P2RY6: variants seen among roughly 807,000 people sequenced by gnomAD.
P2RY6 encodes the protein pyrimidinergic receptor P2Y6.
In P2RY6, 19 loss-of-function variants were observed where a neutral mutation model predicts 16.3. That is an observed-to-expected ratio of 1.16 (90% confidence interval 0.81 to 1.71). The LOEUF (loss-of-function observed/expected upper bound fraction) is 1.71, where lower values mean the gene tolerates loss of function less well. P2RY6 is among the 40% of genes most tolerant of loss of function. The probability of loss-of-function intolerance (pLI) is 0.00; values close to 1 mark genes in which losing one functional copy is unlikely to be tolerated. For synonymous variants in P2RY6, 184 were observed against 201.5 expected (o/e 0.91, Z 0.74); for missense variants, 389 against 455.5 (o/e 0.85, Z 1.33).
chr11:73,292,496 T>C (rs769425238), intron 1 of P2RY6, among the ~76,000 whole-genome samples: 1 of 152,208 alleles, frequency 6.6e-6, no homozygotes, highest in Non-Finnish European at 1.5e-5. Flanking sequence ...CTCTAATCAC[T>C]GCCCTACCCA....
At position 73,281,280 on chromosome 11, in the gene P2RY6, C is replaced by T. The variant is rs978604080; in HGVS notation, c.-121+8814C>T. 2.0e-5 allele frequency among the ~76,000 whole-genome samples: 3 copies of T among 152,314 alleles called. No individual in the cohort carries two copies. The South Asian group carries it at 6.2e-4, about 32-fold the overall frequency. On this transcript the variant is annotated intron_variant, in intron 1 of 2. Coordinates refer to ENST00000540124, the MANE Select transcript of P2RY6 (RefSeq NM_001277204.2). ...GGTACAGTCCAGGTCAAGCACAGACCAGACACTCAGGGTGCTAGGTCAAGT... is the reference window on the plus strand; with the variant it reads ...GGTACAGTCCAGGTCAAGCACAGACTAGACACTCAGGGTGCTAGGTCAAGT...
chr11:73,270,393 A>G (rs1418869584), upstream of P2RY6, among the ~76,000 whole-genome samples: 1 of 152,054 alleles, frequency 6.6e-6, no homozygotes, highest in African/African-American at 2.4e-5. Context: ...TGCCACAGAA[A>G]CACCTCACAC....
chr11:73,288,476 C>T (rs1404816814), intron 1 of P2RY6, among the ~76,000 whole-genome samples: 4 of 152,188 alleles, frequency 2.6e-5, no homozygotes, highest in African/African-American at 9.7e-5. Flanking sequence ...CCCTGCCTTC[C>T]ACGTTCCCTT....
At position 73,297,431 on chromosome 11, in the gene P2RY6, C is replaced by T. The variant is rs1554993437; in HGVS notation, c.913C>T (p.Gln305Ter). 1.2e-6 allele frequency: 2 copies of T among 1,612,588 alleles called. No homozygotes were observed. Among genetic ancestry groups the T allele is most frequent in the Non-Finnish European group, 1.7e-6 (2 of 1,179,900 alleles). Residue 305 changes from glutamine to a stop codon, truncating the protein, a stop_gained, in exon 3 of 3, where the codon CAG becomes TAG. Transcript: ENST00000540124. LOFTEE classifies it high-confidence loss of function. ...VLDPILFYFT[Q>*]KKFRRRPHEL... ...GGACCCCATCCTCTTCTACTTCACCCAGAAGAAGTTCCGCCGGCGACCACA... is the reference window on the plus strand; with the variant it reads ...GGACCCCATCCTCTTCTACTTCACCTAGAAGAAGTTCCGCCGGCGACCACA...
chr11:73,280,059 A>G (rs938764337), intron 1 of P2RY6, among the ~76,000 whole-genome samples: 2 of 152,212 alleles, frequency 1.3e-5, no homozygotes, highest in Non-Finnish European at 2.9e-5. Flanking sequence ...GGGCAAGGCC[A>G]GGGCAAGCTG....
At position 73,298,172 on chromosome 11, in the gene P2RY6, A is replaced by G. The variant is rs1176187284; in HGVS notation, c.*667A>G. 1 of 167,130 alleles carries G rather than the reference A, an allele frequency of 6.0e-6. No homozygotes were observed. Among genetic ancestry groups the G allele is most frequent in the African/African-American group, 2.4e-5 (1 of 41,434 alleles). The allele number at this position is 167,130 out of a possible 1,614,324, so 10.4% of individuals were successfully genotyped here. A position where few individuals can be genotyped will look rare whatever the true frequency, so the allele number is the denominator to read the frequency against. The stretch of plus-strand genomic sequence containing the variant: ...CAAGGAGTCAGGAAAGAGCTCTCTG[A>G]GGAGGGAGCATCTGAGCCAGATGTT... On this transcript the variant is annotated 3_prime_UTR_variant, in exon 3 of 3. Transcript: ENST00000540124.
chr11:73,292,677 G>A (rs917352010), intron 1 of P2RY6: 1 of 372,130 alleles, frequency 2.7e-6, no homozygotes. Flanking sequence ...CCACCTCCTT[G>A]CTCCTCTAAG....
At position 73,297,371 on chromosome 11, in the gene P2RY6, G is replaced by T. The variant is rs781080996; in HGVS notation, c.853G>T (p.Gly285Cys). The change falls in exon 3 of 3, where the codon GGC (glycine) becomes TGC (cysteine). Residue 285 changes from glycine (G) to cysteine (C), a missense_variant. Physicochemically the swap from Gly to Cys is radical, Grantham distance 159. Coordinates refer to ENST00000540124, the MANE Select transcript of P2RY6 (RefSeq NM_001277204.2). ...VLEAFAAAYKGTRPFASANSV... is the reference protein window; with the variant it reads ...VLEAFAAAYKCTRPFASANSV... The stretch of plus-strand genomic sequence containing the variant: ...GGAGGCCTTTGCAGCGGCCTACAAA[G>T]GCACGCGGCCGTTTGCCAGTGCCAA... The T allele has an allele frequency of 6.2e-7, 1 of 1,612,266 alleles. No homozygotes were observed.
In P2RY6 at chr11:73,295,231, C is replaced by T. The variant is rs922199308; in HGVS notation, c.-120-499C>T. Among the ~76,000 whole-genome samples the T allele has an allele frequency of 2.0e-5, 3 of 152,158 alleles. No individual in the cohort carries two copies. In the East Asian group the frequency reaches 5.8e-4, roughly 29 times the overall value. Reference sequence around the variant, plus strand: ...TGCTGCTGGCTCTCCCAAAACCCAGCCCGAAAGAATGAGAGGAGGGACAAG... The same window carrying T: ...TGCTGCTGGCTCTCCCAAAACCCAGTCCGAAAGAATGAGAGGAGGGACAAG... On this transcript the variant is annotated intron_variant, in intron 1 of 2. Transcript: ENST00000540124.
Position 73,295,592 on chromosome 11 carries a change from C to T in P2RY6, c.-120-138C>T, listed in dbSNP as rs143962840. 2.1e-3 allele frequency: 338 copies of T among 160,372 alleles called. 2 individuals are homozygous for T. The highest frequency in any genetic ancestry group is 7.7e-3 in the African/African-American group (320 of 41,742). The allele number at this position is 160,372 out of a possible 1,614,324, so 9.9% of individuals were successfully genotyped here. ...CGGTTGACTCGGTCCCTCACCCATCCGCCTTCAGGGACGCTGTTTTCACTC... is the reference window on the plus strand; with the variant it reads ...CGGTTGACTCGGTCCCTCACCCATCTGCCTTCAGGGACGCTGTTTTCACTC... On this transcript the variant is annotated intron_variant, in intron 1 of 2. Coordinates refer to ENST00000540124, the MANE Select transcript of P2RY6 (RefSeq NM_001277204.2).
intron 2 of P2RY6, 75 bp downstream of exon 2, chr11:73,295,890 C>A: frequency 2.1e-6 from 1 of 481,918 alleles, no homozygotes; most frequent in Non-Finnish European, 2.7e-6. Context: ...GGCGAAGATG[C>A]AGAGAGACAC....
intron 1 of P2RY6, among the ~76,000 whole-genome samples, chr11:73,285,854 T>C (rs905584655): frequency 6.6e-6 from 1 of 152,164 alleles, no homozygotes; most frequent in Non-Finnish European, 1.5e-5. Flanking sequence ...TGAAGACCAA[T>C]AGATGGATGG....
rs1864446959 is a variant in P2RY6, at chr11:73,295,759, G to A, written c.-91G>A. On this transcript the variant is annotated 5_prime_UTR_variant, in exon 2 of 3. Coordinates refer to ENST00000540124, the MANE Select transcript of P2RY6 (RefSeq NM_001277204.2). ...CAAGACCTCTGCCAGAAGAACCATG[G>A]CTTTGGAAGGCGGAGTTCAGGCTGA... 3 of 985,356 alleles carry A rather than the reference G, an allele frequency of 3.0e-6. No individual in the cohort carries two copies. The highest frequency in any genetic ancestry group is 3.6e-6 in the Non-Finnish European group (3 of 829,862). The allele number at this position is 985,356 out of a possible 1,614,324, so 61.0% of individuals were successfully genotyped here.
chr11:73,268,460 C>CA (rs34049881), upstream of P2RY6, among the ~76,000 whole-genome samples: 33 of 150,962 alleles, frequency 2.2e-4, no homozygotes, highest in African/African-American at 4.1e-4. Context: ...CCTGTCTCTA[C>CA]AAAAAAAAAT....
At position 73,297,163 on chromosome 11, in the gene P2RY6, G is replaced by A; in HGVS notation, c.645G>A (p.Leu215=). Residue 215 remains leucine, a synonymous_variant, in exon 3 of 3, where the codon CTG becomes CTA. Coordinates refer to ENST00000540124, the MANE Select transcript of P2RY6 (RefSeq NM_001277204.2). Reference sequence around the variant, plus strand: ...CCCTGCTGGCCTGCTACTGTCTCCTGGCCTGCCGCCTGTGCCGCCAGGATG... The same window carrying A: ...CCCTGCTGGCCTGCTACTGTCTCCTAGCCTGCCGCCTGTGCCGCCAGGATG... The part of the protein sequence containing the change: ...FAALLACYCL[L]ACRLCRQDGP... The A allele has an allele frequency of 6.2e-7, 1 of 1,604,564 alleles. No individual in the cohort carries two copies.
At chr11:73,281,984 A>C (rs918935771) in intron 1 of P2RY6, among the ~76,000 whole-genome samples, 2 of 152,116 alleles carry the variant, frequency 1.3e-5, no homozygotes, top group Admixed American at 1.3e-4. Context: ...ATGACTGGAC[A>C]CAGAGATGGG....
chr11:73,273,256 C>T (rs766441064), intron 1 of P2RY6, among the ~76,000 whole-genome samples: 3 of 152,108 alleles, frequency 2.0e-5, no homozygotes, highest in South Asian at 2.1e-4. Flanking sequence ...CGTTCAGCCC[C>T]GGCCTCTTGA....
At chr11:73,295,953 T>C (rs1864455379) in intron 2 of P2RY6, 138 bp downstream of exon 2, 2 of 174,454 alleles carry the variant, frequency 1.1e-5, no homozygotes, top group Non-Finnish European at 2.3e-5. Context: ...GACATGCAGA[T>C]CCACCATGAC....
chr11:73,293,886 T>G (rs1174681870), intron 1 of P2RY6, among the ~76,000 whole-genome samples: 1 of 151,520 alleles, frequency 6.6e-6, no homozygotes, highest in Non-Finnish European at 1.5e-5. Context: ...CAAAGGGAGG[T>G]TGAGGGATGC....
Sources: gnomAD v4.1 joint callset for allele counts (sites outside exome capture counted in the v4.1 genomes callset) on GRCh38, gnomAD v4.1.1 for gene constraint, MANE v1.5 for transcripts, NCBI Gene and HGNC (gene_info 2026-07-23, HGNC 2026-07-21) for gene names.